The following ARID4B variants were observed in gnomAD, a reference collection of about 807,000 sequenced individuals.
The protein encoded by ARID4B is AT-rich interaction domain 4B, also known as AT-rich interactive domain-containing protein 4B.
ARID4B carries 26 observed loss-of-function variants against 147.5 expected under a neutral mutation model. The ratio of observed to expected loss-of-function variants is 0.18; its 90% CI spans 0.13 to 0.24. The LOEUF is 0.24. ARID4B is among the 10% of genes least tolerant of loss of function. The probability of loss-of-function intolerance (pLI) is 1.00; values close to 1 mark genes in which losing one functional copy is unlikely to be tolerated. For synonymous variants in ARID4B, 512 were observed against 507.9 expected (o/e 1.01, Z -0.11); for missense variants, 1,179 against 1,511.5 (o/e 0.78, Z 3.65).
chr1:235,286,940 T>C (rs1323001165), intron 2 of ARID4B, among the ~76,000 whole-genome samples: 1 of 152,174 alleles, frequency 6.6e-6, no homozygotes, highest in Admixed American at 6.5e-5. Context: ...TCACATTTAG[T>C]GACTAACTGA....
chr1:235,312,244 C>T (rs1674099064), intron 2 of ARID4B, among the ~76,000 whole-genome samples: 2 of 152,138 alleles, frequency 1.3e-5, no homozygotes. Context: ...CAAGATCGTG[C>T]CACCACACTC....
chr1:235,183,216 T>C (rs1664438123), intron 19 of ARID4B, among the ~76,000 whole-genome samples: 1 of 151,864 alleles, frequency 6.6e-6, no homozygotes, highest in South Asian at 2.1e-4. Flanking sequence ...TTAATATTCT[T>C]CTTTTTTTTT....
intron 17 of ARID4B, among the ~76,000 whole-genome samples, chr1:235,198,513 C>T (rs1362844979): frequency 6.6e-6 from 1 of 152,134 alleles, no homozygotes; most frequent in East Asian, 1.9e-4. Context: ...CAAGAACATA[C>T]ACATAAATAA....
intron 2 of ARID4B, among the ~76,000 whole-genome samples, chr1:235,289,896 C>T (rs1672220261): frequency 6.6e-6 from 1 of 151,890 alleles, no homozygotes; most frequent in Non-Finnish European, 1.5e-5. Flanking sequence ...CACAATTTTT[C>T]GCACGCATCC....
rs576720443 is a variant in ARID4B at position 235,189,598 on chromosome 1, G to A, written c.2125+4415C>T. On this transcript the variant is annotated intron_variant, in intron 19 of 23. Coordinates refer to ENST00000264183, the MANE Select transcript of ARID4B (RefSeq NM_016374.6). ...TAATATCAAATAATGGCTGGCCAAA[G>A]AAAGATAACAGCCAAGTGCAGTGTC... Among the ~76,000 whole-genome samples, 12 of 151,986 alleles carry A rather than the reference G, an allele frequency of 7.9e-5. No individual in the cohort carries two copies. The East Asian group carries it at 1.8e-3, about 22-fold the overall frequency.
intron 2 of ARID4B, among the ~76,000 whole-genome samples, chr1:235,297,656 C>T (rs903968609): frequency 1.4e-4 from 22 of 152,020 alleles, no homozygotes; most frequent in African/African-American, 5.3e-4. Context: ...GAAAGTGAAC[C>T]AACCTCATGA....
chr1:235,272,795 T>C (rs2103150525), intron 2 of ARID4B, among the ~76,000 whole-genome samples: 1 of 150,384 alleles, frequency 6.6e-6, no homozygotes, highest in South Asian at 2.1e-4. Context: ...TAATAAGCAC[T>C]CAATATAAAT....
At chr1:235,308,768 C>T (rs1673777171) in intron 2 of ARID4B, among the ~76,000 whole-genome samples, 1 of 152,128 alleles carries the variant, frequency 6.6e-6, no homozygotes, top group African/African-American at 2.4e-5. Context: ...GAGTCTGGTT[C>T]ACTCAGTGCT....
Position 235,168,451 on chromosome 1 carries a change from TGCCAC to T in ARID4B, c.*69_*73del. ...ATAGTGCTTGTCTGATATTTTTTTG[TGCCAC>T]TGTGCAGTATAAAAAAAAAGTGGCC... is the stretch of plus-strand genomic sequence containing the variant. On this transcript the variant is annotated 3_prime_UTR_variant, in exon 24 of 24. Transcript: ENST00000264183. 6.2e-6 allele frequency: 9 copies of T among 1,454,338 alleles called. No individual in the cohort carries two copies. Among genetic ancestry groups the T allele is most frequent in the Admixed American group, 4.6e-5 (2 of 43,060 alleles). The allele number at this position is 1,454,338 out of a possible 1,614,324, so 90.1% of individuals were successfully genotyped here. A position where few individuals can be genotyped will look rare whatever the true frequency, so the allele number is the denominator to read the frequency against.
At chr1:235,318,637 T>G (rs1446398836) in intron 2 of ARID4B, among the ~76,000 whole-genome samples, 1 of 152,144 alleles carries the variant, frequency 6.6e-6, no homozygotes, top group Non-Finnish European at 1.5e-5. Flanking sequence ...ATCCCAGCAC[T>G]TTGGGGGCCA....
At chr1:235,327,503 G>A (rs890758381) in intron 1 of ARID4B, 1 of 152,246 alleles carries the variant, frequency 6.6e-6, no homozygotes, top group Non-Finnish European at 1.5e-5. Flanking sequence ...GACAACGTGA[G>A]GGCCGAGGGC....
At chr1:235,268,183 C>G (rs559382054) in intron 2 of ARID4B, among the ~76,000 whole-genome samples, 3 of 152,110 alleles carry the variant, frequency 2.0e-5, no homozygotes, top group South Asian at 4.1e-4. Context: ...TTACCCGGAC[C>G]AAATAAGTAA....
At position 235,269,704 on chromosome 1, in the gene ARID4B, A is replaced by G. The variant is rs77400775; in HGVS notation, c.7-8952T>C. Among the ~76,000 whole-genome samples the G allele has an allele frequency of 8.3e-3, 1,268 of 152,206 alleles. 26 individuals carry two copies. Among genetic ancestry groups the G allele is most frequent in the African/African-American group, 0.029 (1,202 of 41,512 alleles). On this transcript the variant is annotated intron_variant, in intron 2 of 23. Transcript: ENST00000264183. Reference sequence around the variant, plus strand: ...TGTATATATCTCTCTCTGTGTATACACACACACAGAGAAAAAGATAAATTA... The same window carrying G: ...TGTATATATCTCTCTCTGTGTATACGCACACACAGAGAAAAAGATAAATTA...
chr1:235,316,749 C>G (rs1339010060), intron 2 of ARID4B, among the ~76,000 whole-genome samples: 1 of 151,786 alleles, frequency 6.6e-6, no homozygotes, highest in Non-Finnish European at 1.5e-5. Context: ...AATCCGGGAG[C>G]CGAGTGTTGC....
intron 22 of ARID4B, among the ~76,000 whole-genome samples, chr1:235,173,789 T>A (rs1377384211): frequency 6.3e-5 from 4 of 63,640 alleles, no homozygotes; most frequent in African/African-American, 1.4e-4. Context: ...TATATATATA[T>A]ATATATATAT....
chr1:235,202,482 A>T lies in ARID4B; in HGVS notation c.1842-6367T>A, dbSNP rs1199444710. 2.0e-5 allele frequency among the ~76,000 whole-genome samples: 3 copies of T among 150,724 alleles called. No homozygotes were observed. The Admixed American group carries it at 2.0e-4, about 10-fold the overall frequency. On this transcript the variant is annotated intron_variant, in intron 17 of 23. Coordinates refer to ENST00000264183, the MANE Select transcript of ARID4B (RefSeq NM_016374.6). ...CAAAACATAAAATAACATATGCATG[A>T]TAAACTCATTTAACTTCTGAAGATC... is the stretch of plus-strand genomic sequence containing the variant.
At chr1:235,290,581 C>A (rs556683719) in intron 2 of ARID4B, among the ~76,000 whole-genome samples, 1 of 152,240 alleles carries the variant, frequency 6.6e-6, no homozygotes, top group South Asian at 2.1e-4. Flanking sequence ...TCAAAAACAA[C>A]CTAAATGTCC....
chr1:235,305,402 C>T (rs1673474019), intron 2 of ARID4B, among the ~76,000 whole-genome samples: 1 of 152,202 alleles, frequency 6.6e-6, no homozygotes, highest in Middle Eastern at 3.2e-3. Flanking sequence ...CAACTAACAA[C>T]TCACACAGTA....
chr1:235,276,368 G>A (rs919189878), intron 2 of ARID4B, among the ~76,000 whole-genome samples: 10 of 151,884 alleles, frequency 6.6e-5, no homozygotes, highest in Non-Finnish European at 1.2e-4. Context: ...TACCAGATGC[G>A]TCTGGCCCTA....
Sources: allele counts gnomAD v4.1 joint callset (sites outside exome capture counted in the v4.1 genomes callset), GRCh38; gene constraint gnomAD v4.1.1; transcripts MANE v1.5; gene names NCBI Gene and HGNC (gene_info 2026-07-23, HGNC 2026-07-21).